The following ZNF519 variants were observed in gnomAD, a reference collection of about 807,000 sequenced individuals.
ZNF519 encodes zinc finger protein 519.
ZNF519 carries 7 observed loss-of-function variants against 7.4 expected under a neutral mutation model. The ratio of observed to expected loss-of-function variants is 0.94; its 90% confidence interval spans 0.54 to 1.77. ZNF519 has a LOEUF of 1.77. Among genes scored for constraint, ZNF519 ranks in the 40% most tolerant of loss-of-function variants. ZNF519 has a pLI of 0.00. For missense variants in ZNF519, 586 were observed against 623.1 expected (o/e 0.94, Z 0.63); for synonymous variants, 179 against 203.3 (o/e 0.88, Z 1.02).
chr18:14,104,421 T>C lies in ZNF519; in HGVS notation c.*496A>G, dbSNP rs1197470764. ...CTCTTAGTCTTCCATGGGAAACTTG[T>C]GAATGACGTCATGAGACATGTGAAT... is the stretch of plus-strand genomic sequence containing the variant. On this transcript the variant is annotated 3_prime_UTR_variant, in exon 3 of 3. Transcript: ENST00000590202. 6.5e-6 allele frequency: 1 copy of C among 153,164 alleles called. No individual in the cohort carries two copies. Among genetic ancestry groups the C allele is most frequent in the Non-Finnish European group, 1.5e-5 (1 of 68,762 alleles). 9.5% of individuals were successfully genotyped at this position (153,164 alleles called of 1,614,324 possible). A position where few individuals can be genotyped will look rare whatever the true frequency, so the allele number is the denominator to read the frequency against.
chr18:14,073,189 T>C (rs1224497707), downstream of ZNF519: 15 of 152,166 alleles, frequency 9.9e-5, no homozygotes, highest in Admixed American at 9.8e-4. Flanking sequence ...AATTTTACGT[T>C]AACTGTAACA....
chr18:14,124,017 C>A (rs2046283560), intron 2 of ZNF519: 1 of 166,088 alleles, frequency 6.0e-6, no homozygotes, highest in Non-Finnish European at 1.3e-5. Context: ...ACTAAAAATA[C>A]AAAAAATTAG....
At chr18:14,112,629 T>C (rs1169690833) in intron 2 of ZNF519, among the ~76,000 whole-genome samples, 1 of 152,120 alleles carries the variant, frequency 6.6e-6, no homozygotes, top group Non-Finnish European at 1.5e-5. Flanking sequence ...CATTTTTATA[T>C]ACCAACAGTG....
chr18:14,123,728 A>C (rs1429349517), intron 2 of ZNF519, among the ~76,000 whole-genome samples: 4 of 152,138 alleles, frequency 2.6e-5, no homozygotes, highest in Admixed American at 6.5e-5. Flanking sequence ...AAATACATAA[A>C]TAAATAAATA....
chr18:14,117,822 T>C (rs1036443659), intron 2 of ZNF519, among the ~76,000 whole-genome samples: 2 of 152,010 alleles, frequency 1.3e-5, no homozygotes. Context: ...CAGGAGAACT[T>C]ACTACAGCAC....
downstream of ZNF519, among the ~76,000 whole-genome samples, chr18:14,098,205 T>C (rs1027691360): frequency 1.3e-5 from 2 of 149,570 alleles, no homozygotes; most frequent in South Asian, 4.3e-4. Flanking sequence ...CTGCTGCCCA[T>C]GCTGGAGTGC....
At chr18:14,085,389 G>A (rs1038715345) in intron 2 of ZNF519, among the ~76,000 whole-genome samples, 1 of 151,984 alleles carries the variant, frequency 6.6e-6, no homozygotes, top group Non-Finnish European at 1.5e-5. Flanking sequence ...TCACTTCTAG[G>A]AAAATCAGAA....
At chr18:14,080,980 G>A (rs1308764657) in intron 3 of ZNF519, among the ~76,000 whole-genome samples, 2 of 152,172 alleles carry the variant, frequency 1.3e-5, no homozygotes, top group African/African-American at 4.8e-5. Context: ...TAAAACTATA[G>A]AGACAGTGAA....
At chr18:14,123,142 C>A in intron 2 of ZNF519, 1 of 249,192 alleles carries the variant, frequency 4.0e-6, no homozygotes. Context: ...TCTCATCTAT[C>A]TTCAAATTGT....
intron 1 of ZNF519, among the ~76,000 whole-genome samples, chr18:14,128,744 A>T (rs997316738): frequency 6.6e-6 from 1 of 150,660 alleles, no homozygotes; most frequent in Non-Finnish European, 1.5e-5. Flanking sequence ...TGACCTATTT[A>T]ACTGATAAAA....
At chr18:14,080,727 A>G (rs2046067824) in intron 3 of ZNF519, among the ~76,000 whole-genome samples, 1 of 152,294 alleles carries the variant, frequency 6.6e-6, no homozygotes, top group East Asian at 1.9e-4. Context: ...AAATCTTCAC[A>G]TGGACCTTTA....
chr18:14,108,733 C>T (rs1001706825), intron 2 of ZNF519, among the ~76,000 whole-genome samples: 11 of 151,946 alleles, frequency 7.2e-5, no homozygotes, highest in African/African-American at 2.7e-4. Context: ...GCAGTAGTAG[C>T]TATACTTATA....
Position 14,104,955 on chromosome 18 carries a change from A to G in ZNF519, c.1585T>C (p.Ser529Pro), listed in dbSNP as rs1337888313. ...ATTATTTGATGTTGAGTAAGGGTTG[A>G]GCGTCTGTTAAAAGCTTTGCCACAT... ...KECGKAFNRR[S>P]TLTQHQIIHT... Residue 529 changes from serine to proline, a missense_variant, in exon 3 of 3, where the codon TCA becomes CCA. Physicochemically the swap from Ser to Pro is moderately conservative, Grantham distance 74 (BLOSUM62 -1). Transcript: ENST00000590202. The G allele has an allele frequency of 1.9e-6, 3 of 1,582,022 alleles. No individual in the cohort carries two copies. The highest frequency in any genetic ancestry group is 1.4e-5 in the African/African-American group (1 of 73,806).
intron 1 of ZNF519, among the ~76,000 whole-genome samples, chr18:14,128,532 T>C (rs1294698158): frequency 2.0e-5 from 3 of 152,104 alleles, no homozygotes; most frequent in African/African-American, 4.8e-5. Context: ...ACTTCCCTCA[T>C]CTTCATGACA....
Position 14,077,683 on chromosome 18 carries a change from G to C in ZNF519, c.*277-157C>G, listed in dbSNP as rs1176776458. Reference sequence around the variant, plus strand: ...AGGTTCTTCTTTTCCAGGACCCCTGGAGGGACAGGACTCATGTAGATGGAG... The same window carrying C: ...AGGTTCTTCTTTTCCAGGACCCCTGCAGGGACAGGACTCATGTAGATGGAG... On this transcript the variant is annotated intron_variant and NMD_transcript_variant, in intron 4 of 4. Coordinates refer to the ZNF519 transcript ENST00000587419. Among the ~76,000 whole-genome samples, 7 of 152,280 alleles carry C rather than the reference G, an allele frequency of 4.6e-5. No individual in the cohort carries two copies. The South Asian group carries it at 1.2e-3, about 27-fold the overall frequency.
At chr18:14,094,180 C>G (rs2046125079) in intron 2 of ZNF519, among the ~76,000 whole-genome samples, 1 of 152,170 alleles carries the variant, frequency 6.6e-6, no homozygotes, top group Non-Finnish European at 1.5e-5. Flanking sequence ...CTCTGTATGC[C>G]TGGGGCCTGT....
chr18:14,116,035 A>G (rs1209291761), intron 2 of ZNF519, among the ~76,000 whole-genome samples: 2 of 152,232 alleles, frequency 1.3e-5, no homozygotes, highest in African/African-American at 4.8e-5. Context: ...GGTTTGTTGT[A>G]CAGATTATTT....
At chr18:14,117,582 T>A (rs1055092420) in intron 2 of ZNF519, among the ~76,000 whole-genome samples, 4 of 152,206 alleles carry the variant, frequency 2.6e-5, no homozygotes, top group African/African-American at 9.7e-5. Context: ...TCGTTTATTA[T>A]TGCACTGCTA....
In ZNF519 at chr18:14,124,214, C is replaced by A. The variant is rs571228896; in HGVS notation, c.130+136G>T. On this transcript the variant is annotated intron_variant, in intron 2 of 2. Coordinates refer to ENST00000590202, the MANE Select transcript of ZNF519 (RefSeq NM_145287.4). ...AAAAAGATTTTCTTTTTTACACTAGCAAACTCCCATTTTTTCTTGAAGAAA... is the reference window on the plus strand; with the variant it reads ...AAAAAGATTTTCTTTTTTACACTAGAAAACTCCCATTTTTTCTTGAAGAAA... 338 of 773,248 alleles carry A rather than the reference C, an allele frequency of 4.4e-4. 2 individuals are homozygous for A. Among genetic ancestry groups the A allele is most frequent in the Admixed American group, 2.0e-3 (54 of 27,338 alleles). 47.9% of individuals were successfully genotyped at this position (773,248 alleles called of 1,614,324 possible). A position where few individuals can be genotyped will look rare whatever the true frequency, so the allele number is the denominator to read the frequency against.
Sources: gnomAD v4.1 joint callset for allele counts (sites outside exome capture counted in the v4.1 genomes callset) on GRCh38, gnomAD v4.1.1 for gene constraint, MANE v1.5 for transcripts, NCBI Gene and HGNC (gene_info 2026-07-23, HGNC 2026-07-21) for gene names.